Variants in CLMN observed in about 807,000 individuals in gnomAD.
CLMN encodes the protein calmin.
In CLMN, 57 loss-of-function variants were observed where a neutral mutation model predicts 92.7. That is an observed-to-expected ratio of 0.61 (90% CI 0.50 to 0.77). CLMN has a LOEUF of 0.77. Among genes scored for constraint, CLMN ranks in the 30% least tolerant of loss-of-function variants. CLMN has a pLI of 0.00. For synonymous variants in CLMN, 466 were observed against 470.6 expected (o/e 0.99, Z 0.13); for missense variants, 1,158 against 1,237.5 (o/e 0.94, Z 0.96).
At chr14:95,237,779 TAA>T (rs1898106810) in intron 1 of CLMN, among the ~76,000 whole-genome samples, 2 of 152,300 alleles carry the variant, frequency 1.3e-5, no homozygotes, top group South Asian at 4.1e-4. Context: ...ACCTTTTATA[TAA>T]GTGACCTCCC....
chr14:95,223,043 T>C (rs983012840), intron 3 of CLMN, among the ~76,000 whole-genome samples: 1 of 152,206 alleles, frequency 6.6e-6, no homozygotes, highest in African/African-American at 2.4e-5. Context: ...TTGACACTTC[T>C]ACCATTCTGG....
Position 95,184,003 on chromosome 14 carries a change from GGA to G in CLMN, c.*7559_*7560del, listed in dbSNP as rs1190648410. 6.6e-6 allele frequency: 1 copy of G among 152,204 alleles called. No individual in the cohort carries two copies. 9.4% of individuals were successfully genotyped at this position (152,204 alleles called of 1,614,324 possible). ...GTAGCTCAGAAAAAAGTAATGGATT[GGA>G]GAGAGGTTGGAAGAAGCTATGGTAC... On this transcript the variant is annotated 3_prime_UTR_variant, in exon 13 of 13. Coordinates refer to ENST00000298912, the MANE Select transcript of CLMN (RefSeq NM_024734.4).
Position 95,193,890 on chromosome 14 carries a change from G to A in CLMN, c.2799C>T (p.Asn933=), listed in dbSNP as rs779002629. Residue 933 remains asparagine, a synonymous_variant, in exon 12 of 13, where the codon AAC becomes AAT. Transcript: ENST00000298912. ...SDHFSYVQLR[N]AADLDDRRNR... is the part of the protein sequence containing the mutation. ...TTCTTCTGTCATCCAGATCTGCTGC[G>A]TTCCTCAACTGAACATAGCTAAAAT... 28 of 1,613,994 alleles carry A rather than the reference G, an allele frequency of 1.7e-5. No homozygotes were observed. Among genetic ancestry groups the A allele is most frequent in the Middle Eastern group, 1.6e-4 (1 of 6,062 alleles).
At chr14:95,245,015 G>A (rs1898408523) in intron 1 of CLMN, among the ~76,000 whole-genome samples, 1 of 118,484 alleles carries the variant, frequency 8.4e-6, no homozygotes, top group African/African-American at 3.4e-5. Context: ...ACACACATAA[G>A]GATCTAAATC....
chr14:95,266,744 A>T (rs965337753), intron 1 of CLMN, among the ~76,000 whole-genome samples: 6 of 152,232 alleles, frequency 3.9e-5, no homozygotes, highest in Non-Finnish European at 7.3e-5. Flanking sequence ...CGCACTCTTA[A>T]GCAAAAAGAA....
chr14:95,248,710 A>G (rs28634869), intron 1 of CLMN, among the ~76,000 whole-genome samples: 18,855 of 152,164 alleles, frequency 0.12, 1,711 homozygotes, highest in African/African-American at 0.25. Context: ...TATTTTAGTC[A>G]GTTCTTCCCT....
intron 1 of CLMN, among the ~76,000 whole-genome samples, chr14:95,267,535 G>C (rs143726203): frequency 1.3e-5 from 2 of 152,090 alleles, no homozygotes; most frequent in Admixed American, 6.5e-5. Flanking sequence ...AGGAAATAAC[G>C]GATGCTGGTG....
At chr14:95,310,483 T>C (rs1019021341) in intron 1 of CLMN, among the ~76,000 whole-genome samples, 1 of 152,234 alleles carries the variant, frequency 6.6e-6, no homozygotes, top group Non-Finnish European at 1.5e-5. Context: ...CTTAATCATA[T>C]CTGCCAAGTC....
chr14:95,235,141 A>T (rs1898011002), intron 1 of CLMN, among the ~76,000 whole-genome samples: 1 of 152,184 alleles, frequency 6.6e-6, no homozygotes. Context: ...ACACACACAG[A>T]GCAAGCACAT....
chr14:95,310,792 C>T (rs1433480411), intron 1 of CLMN, among the ~76,000 whole-genome samples: 2 of 152,134 alleles, frequency 1.3e-5, no homozygotes, highest in South Asian at 2.1e-4. Context: ...GAAGGGACCT[C>T]GTGGACAAAG....
rs1900709453 is a variant in CLMN at position 95,294,057 on chromosome 14, G to C, written c.82+25654C>G. Reference sequence around the variant, plus strand: ...GAGGAGGAGGCCAGAAGTCTGGCTGGAGGGCTTCCCCACTCCCCAGGCGAA... The same window carrying C: ...GAGGAGGAGGCCAGAAGTCTGGCTGCAGGGCTTCCCCACTCCCCAGGCGAA... On this transcript the variant is annotated intron_variant, in intron 1 of 12. Coordinates refer to ENST00000298912, the MANE Select transcript of CLMN (RefSeq NM_024734.4). This position sits in a 1 kb window ranked among gnomAD's most constrained non-coding sequence, Gnocchi z 4.2. Among the ~76,000 whole-genome samples, 1 of 152,174 alleles carries C rather than the reference G, an allele frequency of 6.6e-6. No individual in the cohort carries two copies. Among genetic ancestry groups the C allele is most frequent in the African/African-American group, 2.4e-5 (1 of 41,444 alleles).
At chr14:95,265,240 CA>C (rs141059608) in intron 1 of CLMN, among the ~76,000 whole-genome samples, 12,984 of 142,242 alleles carry the variant, frequency 0.091, 535 homozygotes, top group East Asian at 0.1. Flanking sequence ...GACTCTGAAT[CA>C]AAAAAAAAAA....
chr14:95,210,692 G>A lies in CLMN; in HGVS notation c.796C>T (p.Pro266Ser). The change falls in exon 7 of 13, where the codon CCA (proline) becomes TCA (serine). Residue 266 changes from proline to serine, a missense_variant. Pro to Ser is a moderately conservative substitution (Grantham distance 74). Coordinates refer to ENST00000298912, the MANE Select transcript of CLMN (RefSeq NM_024734.4). ...DALHIPRLLE[P>S]EDIMVDTPDE... ...AAGAGAGAACCACTGCTACCTTCTG[G>A]CTCCAGGAGCCTGGGGATGTGCAGG... 1.2e-6 allele frequency: 2 copies of A among 1,604,176 alleles called. No individual in the cohort carries two copies. The highest frequency in any genetic ancestry group is 1.7e-6 in the Non-Finnish European group (2 of 1,176,556).
intron 3 of CLMN, chr14:95,222,406 G>A (rs1566876860): frequency 4.2e-5 from 15 of 359,990 alleles, no homozygotes; most frequent in South Asian, 2.8e-4. Context: ...AACTCACCCT[G>A]AACTGAAGCA....
chr14:95,292,441 C>CCCCCA (rs1363788556), intron 1 of CLMN, among the ~76,000 whole-genome samples: 1 of 111,848 alleles, frequency 8.9e-6, no homozygotes, highest in African/African-American at 3.2e-5. Context: ...CCCACCCCCA[C>CCCCCA]CCCCACCCCC....
At chr14:95,241,545 T>G (rs1898242520) in intron 1 of CLMN, among the ~76,000 whole-genome samples, 1 of 152,206 alleles carries the variant, frequency 6.6e-6, no homozygotes, top group Admixed American at 6.5e-5. Flanking sequence ...CAGCATGAAC[T>G]GAAGTTTCTA....
intron 9 of CLMN, among the ~76,000 whole-genome samples, chr14:95,201,302 GC>G (rs1341843103): frequency 1.3e-5 from 2 of 151,882 alleles, no homozygotes; most frequent in African/African-American, 2.4e-5. Context: ...CCCCCAAGCA[GC>G]CGTGTCAGCT....
chr14:95,226,579 T>C (rs1230145228), intron 2 of CLMN, among the ~76,000 whole-genome samples: 3 of 152,130 alleles, frequency 2.0e-5, no homozygotes, highest in African/African-American at 2.4e-5. Flanking sequence ...ATTTTTCTTC[T>C]TCTTCTTTTT....
intron 4 of CLMN, 82 bp from the exon 5 acceptor site, chr14:95,215,815 CTGTGTGTGTGTGTGTGTGTGTGTGTGTG>C (rs57063101): frequency 1.2e-5 from 7 of 571,814 alleles, no homozygotes; most frequent in Non-Finnish European, 2.1e-5. Flanking sequence ...CTCTCTCTCT[CTGTGTGTGTGTGTGTGTGTGTGTGTGTG>C]TGTGTGTGTG....
Sources: allele counts gnomAD v4.1 joint callset (sites outside exome capture counted in the v4.1 genomes callset), GRCh38; gene constraint gnomAD v4.1.1; non-coding constraint Gnocchi (gnomAD v3.1); transcripts MANE v1.5; gene names NCBI Gene and HGNC (gene_info 2026-07-23, HGNC 2026-07-21).